NDUFAF6: variants seen among roughly 807,000 people sequenced by gnomAD.
NDUFAF6 encodes the protein NADH:ubiquinone oxidoreductase complex assembly factor 6, also known as NADH dehydrogenase (ubiquinone) complex I, assembly factor 6.
A neutral mutation model predicts 40.8 loss-of-function variants in NDUFAF6; 45 were observed. The ratio of observed to expected loss-of-function variants is 1.10; its 90% CI spans 0.87 to 1.42. NDUFAF6 has a LOEUF of 1.42. Ranked by LOEUF, NDUFAF6 falls within the 40% of genes most tolerant of loss-of-function variation. The pLI, the probability that NDUFAF6 is intolerant of heterozygous loss-of-function variation, is 0.00. For missense variants in NDUFAF6, 435 were observed against 418.5 expected (o/e 1.04, Z -0.34); for synonymous variants, 185 against 155.9 (o/e 1.19, Z -1.39).
intron 2 of NDUFAF6, among the ~76,000 whole-genome samples, chr8:95,084,439 T>C (rs1808973760): frequency 6.6e-6 from 1 of 152,220 alleles, no homozygotes; most frequent in Non-Finnish European, 1.5e-5. Context: ...CATCATATTT[T>C]TTAAAACTTA....
At chr8:95,003,904 G>A (rs1826846708) in intron 2 of NDUFAF6, among the ~76,000 whole-genome samples, 1 of 152,144 alleles carries the variant, frequency 6.6e-6, no homozygotes, top group African/African-American at 2.4e-5. Context: ...GCTTTATTGG[G>A]TTTCTCCCAG....
rs181037424 is a variant in NDUFAF6, at chr8:95,012,522, C to T, written c.-83-19473C>T. ...TAAATTTGTTTTCTCATTAAAAGTA[C>T]CTTTAGGCTGGTTACAGTGGCTCAT... On this transcript the variant is annotated intron_variant, in intron 2 of 9. Transcript: ENST00000396111. Among the ~76,000 whole-genome samples the T allele has an allele frequency of 5.3e-5, 8 of 152,138 alleles. No homozygotes were observed. In the East Asian group the frequency reaches 1.5e-3, roughly 29 times the overall value.
intron 2 of NDUFAF6, among the ~76,000 whole-genome samples, chr8:95,013,386 G>C (rs140703618): frequency 2.0e-3 from 299 of 152,324 alleles, no homozygotes; most frequent in African/African-American, 7.0e-3. Flanking sequence ...GATTGCAGGT[G>C]TGAGCTACTG....
At chr8:94,940,208 C>T (rs760744384) in intron 1 of NDUFAF6, 1 of 1,610,168 alleles carries the variant, frequency 6.2e-7, no homozygotes, top group Non-Finnish European at 8.5e-7. Context: ...TGCTGAGAAA[C>T]CAGTGCAAGT....
intron 1 of NDUFAF6, chr8:94,896,548 A>G (rs1381594807): frequency 1.3e-5 from 2 of 152,108 alleles, no homozygotes; most frequent in Admixed American, 1.3e-4. Context: ...TCCGGGAACA[A>G]AGATCCCCCG....
chr8:95,047,973 C>T (rs557629441), intron 6 of NDUFAF6, among the ~76,000 whole-genome samples: 10 of 151,954 alleles, frequency 6.6e-5, no homozygotes, highest in South Asian at 4.2e-4. Context: ...TTGGGAGGGT[C>T]GCTTGAGTCC....
intron 1 of NDUFAF6, among the ~76,000 whole-genome samples, chr8:94,912,965 G>A (rs1022730833): frequency 5.3e-5 from 8 of 152,168 alleles, no homozygotes; most frequent in African/African-American, 1.9e-4. Context: ...GCGACAAAGC[G>A]AGACTCCATC....
At chr8:94,962,768 C>T (rs941324414) in intron 1 of NDUFAF6, among the ~76,000 whole-genome samples, 6 of 151,212 alleles carry the variant, frequency 4.0e-5, no homozygotes, top group Non-Finnish European at 8.8e-5. Context: ...GCCACTGCAC[C>T]TGGCCTCCAA....
chr8:94,896,200 G>C (rs1817544826), intron 1 of NDUFAF6, among the ~76,000 whole-genome samples: 1 of 151,058 alleles, frequency 6.6e-6, no homozygotes, highest in Non-Finnish European at 1.5e-5. Context: ...GGTGGTCCCC[G>C]GGGACCTGGC....
chr8:94,968,059 G>T (rs1824162883), intron 1 of NDUFAF6, among the ~76,000 whole-genome samples: 1 of 152,176 alleles, frequency 6.6e-6, no homozygotes, highest in African/African-American at 2.4e-5. Flanking sequence ...GTCGCTGCTG[G>T]CTACTGGCCA....
In NDUFAF6 at chr8:94,922,046, A is replaced by C. The variant is rs571569103; in HGVS notation, c.-935-23437A>C. Among the ~76,000 whole-genome samples, 7 of 152,236 alleles carry C rather than the reference A, an allele frequency of 4.6e-5. No individual in the cohort carries two copies. The South Asian group carries it at 1.2e-3, about 27-fold the overall frequency. ...GAGACGGAGTCTCACTCTGTCACCCAGGTTGGAGTGCAGTAACATGATCTC... is the reference window on the plus strand; with the variant it reads ...GAGACGGAGTCTCACTCTGTCACCCCGGTTGGAGTGCAGTAACATGATCTC... On this transcript the variant is annotated intron_variant, in intron 1 of 14. Coordinates refer to the NDUFAF6 transcript ENST00000396113.
chr8:95,005,675 C>G (rs559729721), intron 2 of NDUFAF6, among the ~76,000 whole-genome samples: 3 of 151,232 alleles, frequency 2.0e-5, no homozygotes, highest in African/African-American at 7.3e-5. Context: ...TACATTAACC[C>G]TGTAGCAGAG....
intron 6 of NDUFAF6, 116 bp from the exon 7 acceptor site, chr8:95,048,341 C>G: frequency 1.3e-6 from 1 of 757,834 alleles, no homozygotes; most frequent in Non-Finnish European, 2.4e-6. Context: ...ACTGTTCTGT[C>G]ACGTGTTCTC....
chr8:95,101,153 A>G (rs1056646602), exon 2 of NDUFAF6: 1 of 152,186 alleles, frequency 6.6e-6, no homozygotes, highest in Non-Finnish European at 1.5e-5. Flanking sequence ...CTTTATTTAA[A>G]CACCCCTATC....
intron 1 of NDUFAF6, among the ~76,000 whole-genome samples, chr8:94,912,367 A>G (rs1818837988): frequency 1.3e-5 from 2 of 152,258 alleles, no homozygotes; most frequent in South Asian, 2.1e-4. Flanking sequence ...GAAAGGAAAT[A>G]TGTATGTATA....
intron 2 of NDUFAF6, among the ~76,000 whole-genome samples, chr8:94,983,099 AAAAG>A (rs1252759943): frequency 1.3e-5 from 2 of 152,184 alleles, no homozygotes; most frequent in Non-Finnish European, 2.9e-5. Flanking sequence ...TGCAAAAACT[AAAAG>A]AAATGATATA....
chr8:95,054,533 C>G lies in NDUFAF6; in HGVS notation c.873+2303C>G, dbSNP rs562715221. On this transcript the variant is annotated intron_variant, in intron 8 of 8. Coordinates refer to ENST00000396124, the MANE Select transcript of NDUFAF6 (RefSeq NM_152416.4). The stretch of plus-strand genomic sequence containing the variant: ...CACTGCAGCCTCTGCCTCCAGGGTT[C>G]AAGCGATTCTCCTGCCTCAGCTTCC... Among the ~76,000 whole-genome samples, 5 of 151,694 alleles carry G rather than the reference C, an allele frequency of 3.3e-5. No individual in the cohort carries two copies. In the South Asian group the frequency reaches 1.0e-3, roughly 32 times the overall value.
chr8:94,930,366 A>G, intron 1 of NDUFAF6: 3 of 1,419,874 alleles, frequency 2.1e-6, no homozygotes, highest in Non-Finnish European at 2.9e-6. Flanking sequence ...TGATAAAACT[A>G]TGTGATTGGT....
chr8:95,048,571 T>A lies in NDUFAF6; in HGVS notation c.816+13T>A. On this transcript the variant is annotated intron_variant, in intron 7 of 8. Coordinates refer to ENST00000396124, the MANE Select transcript of NDUFAF6 (RefSeq NM_152416.4). ...GCACCTAAAGCATGTAAGTCGGCTT[T>A]TTTTTGCCAAATCATTTAGGGAATA... 6.3e-7 allele frequency: 1 copy of A among 1,587,992 alleles called. No individual in the cohort carries two copies. Among genetic ancestry groups the A allele is most frequent in the East Asian group, 2.2e-5 (1 of 44,744 alleles).
Sources: allele counts gnomAD v4.1 joint callset (sites outside exome capture counted in the v4.1 genomes callset), GRCh38; gene constraint gnomAD v4.1.1; transcripts MANE v1.5; gene names NCBI Gene and HGNC (gene_info 2026-07-23, HGNC 2026-07-21).